The following GRIN2B variants were observed in gnomAD, a reference collection of about 807,000 sequenced individuals.
GRIN2B encodes the protein glutamate ionotropic receptor NMDA type subunit 2B.
Under a neutral mutation model 114.5 loss-of-function variants are expected in GRIN2B, and 5 were observed. That is an observed-to-expected ratio of 0.04 (90% CI 0.02 to 0.09). GRIN2B has a LOEUF of 0.09. GRIN2B is among the 10% of genes least tolerant of loss of function. The probability of loss-of-function intolerance (pLI) is 1.00; values close to 1 mark genes in which losing one functional copy is unlikely to be tolerated. For missense variants in GRIN2B, 1,108 were observed against 1,943.5 expected (o/e 0.57, Z 8.08); for synonymous variants, 787 against 745.1 (o/e 1.06, Z -0.92).
At chr12:13,919,790 C>T (rs994697093) in intron 2 of GRIN2B, among the ~76,000 whole-genome samples, 1 of 152,038 alleles carries the variant, frequency 6.6e-6, no homozygotes, top group Non-Finnish European at 1.5e-5. Context: ...GCCCTCCATT[C>T]TGAACACTGA....
intron 4 of GRIN2B, among the ~76,000 whole-genome samples, chr12:13,705,497 G>T (rs1000733278): frequency 6.6e-6 from 1 of 152,062 alleles, no homozygotes; most frequent in African/African-American, 2.4e-5. Context: ...CGTTCATAAG[G>T]ATTCCCAAAA....
At chr12:13,931,724 T>C (rs999608503) in intron 2 of GRIN2B, among the ~76,000 whole-genome samples, 1 of 152,224 alleles carries the variant, frequency 6.6e-6, no homozygotes, top group Non-Finnish European at 1.5e-5. Flanking sequence ...CCCTAAGTCT[T>C]CCGTATCTCA....
intron 3 of GRIN2B, among the ~76,000 whole-genome samples, chr12:13,823,903 G>A (rs572714259): frequency 1.3e-5 from 2 of 152,140 alleles, no homozygotes; most frequent in East Asian, 1.9e-4. Flanking sequence ...TTATTGAAGT[G>A]ATCATATATA....
At chr12:13,854,555 G>A (rs1049838368) in intron 3 of GRIN2B, among the ~76,000 whole-genome samples, 2 of 151,938 alleles carry the variant, frequency 1.3e-5, no homozygotes, top group Admixed American at 1.3e-4. Context: ...AAAACAAGGA[G>A]AGAGGCATGC....
chr12:13,843,163 C>T (rs1275038741), intron 3 of GRIN2B, among the ~76,000 whole-genome samples: 2 of 149,022 alleles, frequency 1.3e-5, no homozygotes, highest in African/African-American at 2.5e-5. Context: ...CAACACTGGG[C>T]CCAGGAAAAC....
At chr12:13,778,627 C>T (rs1246436204) in intron 3 of GRIN2B, among the ~76,000 whole-genome samples, 2 of 152,198 alleles carry the variant, frequency 1.3e-5, no homozygotes, top group African/African-American at 4.8e-5. Context: ...AACTGCACAA[C>T]CACATGAGTG....
intron 3 of GRIN2B, among the ~76,000 whole-genome samples, chr12:13,792,127 T>C (rs1715842321): frequency 6.6e-6 from 1 of 152,198 alleles, no homozygotes; most frequent in African/African-American, 2.4e-5. Context: ...GATGGCAGCA[T>C]CTCAAGGGCA....
rs763017766 is a variant in GRIN2B, at chr12:13,564,620, T to C, written c.2618A>G (p.His873Arg). 6.2e-7 allele frequency: 1 copy of C among 1,613,654 alleles called. No homozygotes were observed. The highest frequency in any genetic ancestry group is 1.3e-5 in the African/African-American group (1 of 74,872). The change falls in exon 14 of 14, where the codon CAT becomes CGT. Residue 873 changes from histidine (H) to arginine (R), a missense_variant. Transcript: ENST00000609686. The surrounding 1 kb of genome is among the most constrained non-coding windows in gnomAD (Gnocchi z 4.8). The stretch of plus-strand genomic sequence containing the variant: ...CTGGCGCTCCTCGATCGCCACCCCA[T>C]GGATGCAGCTGTAGATACCCTGAAG... The part of the protein sequence containing the change: ...SISRGIYSCI[H>R]GVAIEERQSV...
rs1462553586 is a variant in GRIN2B, at chr12:13,562,804, A to G, written c.4434T>C (p.Ser1478=). The G allele has an allele frequency of 5.6e-6, 9 of 1,614,070 alleles. No homozygotes were observed. The Admixed American group carries it at 8.3e-5, about 15-fold the overall frequency. The change falls in exon 14 of 14, where the codon TCT becomes TCC. Residue 1478 remains serine (S), a synonymous_variant. Coordinates refer to ENST00000609686, the MANE Select transcript of GRIN2B (RefSeq NM_000834.5). ...TCACTCAGACATCAGACTCAATACTAGAAAGTTTCTCATAAACATGCCCAT... is the reference window on the plus strand; with the variant it reads ...TCACTCAGACATCAGACTCAATACTGGAAAGTTTCTCATAAACATGCCCAT... ...SSNGHVYEKL[S]SIESDV
chr12:13,913,799 A>T (rs1012698805), intron 2 of GRIN2B, among the ~76,000 whole-genome samples: 1 of 152,136 alleles, frequency 6.6e-6, no homozygotes, highest in African/African-American at 2.4e-5. Flanking sequence ...TTTCTCAGGG[A>T]CCACTTTCTT....
At chr12:13,889,202 G>A (rs76081236) in intron 2 of GRIN2B, among the ~76,000 whole-genome samples, 2,953 of 152,130 alleles carry the variant, frequency 0.019, 91 homozygotes, top group African/African-American at 0.067. Flanking sequence ...TCATTAAGAC[G>A]TCACTAGGCA....
At chr12:13,621,588 A>AT (rs1949514621) in intron 5 of GRIN2B, among the ~76,000 whole-genome samples, 2 of 105,568 alleles carry the variant, frequency 1.9e-5, no homozygotes, top group African/African-American at 3.7e-5. Context: ...CTTTTTCAAG[A>AT]GAAAAAAAAA....
At chr12:13,969,995 G>A (rs1867848899) in intron 2 of GRIN2B, among the ~76,000 whole-genome samples, 1 of 152,180 alleles carries the variant, frequency 6.6e-6, no homozygotes, top group Non-Finnish European at 1.5e-5. Context: ...TGGGATTATA[G>A]GCAACTGCCA....
chr12:13,624,889 C>G (rs375094513), intron 5 of GRIN2B, among the ~76,000 whole-genome samples: 1 of 152,202 alleles, frequency 6.6e-6, no homozygotes, highest in African/African-American at 2.4e-5. Context: ...GCTGCTTATC[C>G]TCCTTCCATC....
At chr12:13,766,387 G>A (rs11830048) in intron 3 of GRIN2B, among the ~76,000 whole-genome samples, 3,921 of 152,216 alleles carry the variant, frequency 0.026, 175 homozygotes, top group African/African-American at 0.089. Flanking sequence ...CTCTTTCCCA[G>A]TTCTCCCACT....
chr12:13,791,202 A>G (rs185648855), intron 3 of GRIN2B, among the ~76,000 whole-genome samples: 5 of 152,148 alleles, frequency 3.3e-5, no homozygotes, highest in African/African-American at 4.8e-5. Context: ...GGTGGCTCAC[A>G]CTTGTAATCC....
At chr12:13,789,420 T>A (rs1864279066) in intron 3 of GRIN2B, among the ~76,000 whole-genome samples, 1 of 152,152 alleles carries the variant, frequency 6.6e-6, no homozygotes, top group Non-Finnish European at 1.5e-5. Flanking sequence ...TGTTTCTAGT[T>A]TAGGATGCCC....
intron 3 of GRIN2B, among the ~76,000 whole-genome samples, chr12:13,757,031 C>T (rs554835771): frequency 3.0e-4 from 45 of 152,140 alleles, no homozygotes; most frequent in Non-Finnish European, 5.3e-4. Flanking sequence ...ACATCCTTAC[C>T]GTACCTTCTA....
intron 3 of GRIN2B, among the ~76,000 whole-genome samples, chr12:13,804,580 A>C (rs1320676367): frequency 6.6e-6 from 1 of 152,088 alleles, no homozygotes; most frequent in East Asian, 1.9e-4. Flanking sequence ...TCAGTGCCCA[A>C]GGGAACCTGT....
Sources: allele counts gnomAD v4.1 joint callset (sites outside exome capture counted in the v4.1 genomes callset), GRCh38; gene constraint gnomAD v4.1.1; non-coding constraint Gnocchi (gnomAD v3.1); transcripts MANE v1.5; gene names NCBI Gene and HGNC (gene_info 2026-07-23, HGNC 2026-07-21).